NAALADL2: variants seen among roughly 807,000 people sequenced by gnomAD.
NAALADL2 encodes N-acetylated alpha-linked acidic dipeptidase like 2, also known as inactive N-acetylated-alpha-linked acidic dipeptidase-like protein 2.
A neutral mutation model predicts 87.2 loss-of-function variants in NAALADL2; 76 were observed. The ratio of observed to expected loss-of-function variants is 0.87; its 90% confidence interval spans 0.72 to 1.05. The LOEUF is 1.05. NAALADL2 is among the 50% of genes least tolerant of loss of function. The pLI, the probability that NAALADL2 is intolerant of heterozygous loss-of-function variation, is 0.00. For missense variants in NAALADL2, 1,089 were observed against 945.8 expected, an observed-to-expected ratio of 1.15 and a Z score of -1.99; for synonymous variants, 354 against 331.0, an observed-to-expected ratio of 1.07 and a Z score of -0.75.
chr3:175,588,388 T>C (rs551615030), intron 10 of NAALADL2, among the ~76,000 whole-genome samples: 2 of 151,660 alleles, frequency 1.3e-5, no homozygotes, highest in African/African-American at 4.9e-5. Flanking sequence ...TGGTTGAAAA[T>C]AGATTTCAAA....
intron 3 of NAALADL2, among the ~76,000 whole-genome samples, chr3:175,242,993 C>T (rs1374762028): frequency 1.3e-5 from 2 of 152,026 alleles, no homozygotes; most frequent in African/African-American, 4.8e-5. Context: ...GCACAGGGGA[C>T]ATGAATGGTT....
chr3:175,425,726 T>C (rs904591623), intron 5 of NAALADL2, among the ~76,000 whole-genome samples: 2 of 152,108 alleles, frequency 1.3e-5, no homozygotes, highest in African/African-American at 4.8e-5. Context: ...GTAATAACAT[T>C]TTCCACTGTT....
chr3:174,931,321 G>C (rs890057475), intron 1 of NAALADL2, among the ~76,000 whole-genome samples: 1 of 152,118 alleles, frequency 6.6e-6, no homozygotes, highest in African/African-American at 2.4e-5. Context: ...TTGGATTTCA[G>C]TTTCTGGTTG....
intron 2 of NAALADL2, among the ~76,000 whole-genome samples, chr3:174,646,054 TGA>T (rs1261661671): frequency 1.3e-5 from 2 of 152,194 alleles, no homozygotes. Context: ...TATTTCTTAA[TGA>T]GAAAGTTATA....
Position 175,342,468 on chromosome 3 carries a change from A to G in NAALADL2, c.1090+18143A>G, listed in dbSNP as rs73047280. 2.1e-3 allele frequency among the ~76,000 whole-genome samples: 320 copies of G among 151,576 alleles called. 1 individual carries two copies. The highest frequency in any genetic ancestry group is 7.5e-3 in the African/African-American group (309 of 41,212). On this transcript the variant is annotated intron_variant, in intron 5 of 13. Coordinates refer to ENST00000454872, the MANE Select transcript of NAALADL2 (RefSeq NM_207015.3). ...TGACAATCCTTGTTGTTTCAGTGTT[A>G]AGCTGATTACTCCCTCCTGGCATTT... is the stretch of plus-strand genomic sequence containing the variant.
At chr3:174,592,464 G>C (rs1717474349) in intron 2 of NAALADL2, among the ~76,000 whole-genome samples, 1 of 152,084 alleles carries the variant, frequency 6.6e-6, no homozygotes, top group African/African-American at 2.4e-5. Context: ...AAAGTAATTA[G>C]AATCAGTAGT....
intron 1 of NAALADL2, among the ~76,000 whole-genome samples, chr3:175,058,806 T>C (rs1712797554): frequency 6.6e-6 from 1 of 152,226 alleles, no homozygotes; most frequent in Admixed American, 6.5e-5. Flanking sequence ...GTGTCACCTT[T>C]CAGCAGTATC....
chr3:175,741,339 A>G (rs1289064197), intron 12 of NAALADL2, among the ~76,000 whole-genome samples: 1 of 152,124 alleles, frequency 6.6e-6, no homozygotes, highest in East Asian at 1.9e-4. Flanking sequence ...AAAGGGCACT[A>G]ATTTAATTTT....
At chr3:175,690,487 T>C (rs1736903800) in intron 11 of NAALADL2, among the ~76,000 whole-genome samples, 2 of 152,094 alleles carry the variant, frequency 1.3e-5, no homozygotes, top group African/African-American at 4.8e-5. Flanking sequence ...CTTTTGTGTT[T>C]TGTTTCATCT....
At chr3:175,347,888 C>T (rs958336515) in intron 5 of NAALADL2, among the ~76,000 whole-genome samples, 5 of 152,170 alleles carry the variant, frequency 3.3e-5, no homozygotes, top group South Asian at 4.1e-4. Context: ...CTCCTCTAGC[C>T]GTGCAACCTC....
intron 1 of NAALADL2, among the ~76,000 whole-genome samples, chr3:174,862,925 G>T (rs1473299688): frequency 6.6e-6 from 1 of 152,050 alleles, no homozygotes; most frequent in East Asian, 1.9e-4. Flanking sequence ...GTAGAACTCT[G>T]GGGGAAGATG....
chr3:174,670,939 TAGTG>T (rs994124718), intron 2 of NAALADL2, among the ~76,000 whole-genome samples: 6 of 151,958 alleles, frequency 3.9e-5, no homozygotes, highest in African/African-American at 1.4e-4. Context: ...GTCATCACAA[TAGTG>T]AGTTCTCCTG....
At chr3:174,709,714 A>G (rs1381570846) in intron 2 of NAALADL2, among the ~76,000 whole-genome samples, 1 of 152,194 alleles carries the variant, frequency 6.6e-6, no homozygotes, top group Non-Finnish European at 1.5e-5. Flanking sequence ...GTAAGCTTTA[A>G]TATTATTTGC....
chr3:175,009,001 A>G (rs540834623), intron 1 of NAALADL2, among the ~76,000 whole-genome samples: 11 of 152,314 alleles, frequency 7.2e-5, no homozygotes, highest in African/African-American at 2.6e-4. Flanking sequence ...AATCATATTC[A>G]TCTAATATGT....
intron 2 of NAALADL2, among the ~76,000 whole-genome samples, chr3:174,608,050 C>T (rs1578298082): frequency 6.6e-6 from 1 of 152,144 alleles, no homozygotes; most frequent in African/African-American, 2.4e-5. Flanking sequence ...ACTGAACAAC[C>T]TGCTTCTGAA....
rs570853772 is a variant in NAALADL2 at position 174,807,624 on chromosome 3, T to C, written c.-9+69878T>C. 2.6e-5 allele frequency among the ~76,000 whole-genome samples: 4 copies of C among 152,262 alleles called. No homozygotes were observed. The East Asian group carries it at 7.7e-4, about 29-fold the overall frequency. ...ATATAAATTGTGGAAATACTAGAAC[T>C]AGAAATGAGCAGAACAGCGTTGAAT... On this transcript the variant is annotated intron_variant, in intron 3 of 3. Coordinates refer to the NAALADL2 transcript ENST00000434257.
At chr3:174,703,525 A>G (rs776644100) in intron 2 of NAALADL2, among the ~76,000 whole-genome samples, 76 of 152,160 alleles carry the variant, frequency 5.0e-4, no homozygotes, top group Non-Finnish European at 1.6e-4. Context: ...AGACATGATA[A>G]TAAGTGGGTC....
At chr3:174,724,932 C>T (rs1732046704) in intron 2 of NAALADL2, among the ~76,000 whole-genome samples, 1 of 152,078 alleles carries the variant, frequency 6.6e-6, no homozygotes, top group South Asian at 2.1e-4. Flanking sequence ...GAGTCTGGAG[C>T]CCACCTATTC....
chr3:174,819,306 C>T (rs546194609), intron 3 of NAALADL2, among the ~76,000 whole-genome samples: 1 of 152,034 alleles, frequency 6.6e-6, no homozygotes, highest in Admixed American at 6.6e-5. Flanking sequence ...GTCAAGCAAT[C>T]TGCCTTCCTG....
Sources: allele counts gnomAD v4.1 joint callset (sites outside exome capture counted in the v4.1 genomes callset), GRCh38; gene constraint gnomAD v4.1.1; transcripts MANE v1.5; gene names NCBI Gene and HGNC (gene_info 2026-07-23, HGNC 2026-07-21).